CNTNAP2: variants seen among roughly 807,000 people sequenced by gnomAD.
CNTNAP2 encodes contactin associated protein 2, also known as contactin-associated protein-like 2.
Under a neutral mutation model 155.2 loss-of-function variants are expected in CNTNAP2, and 98 were observed. The observed-to-expected ratio is 0.63, with a 90% CI of 0.54 to 0.75. The LOEUF (loss-of-function observed/expected upper bound fraction) is 0.75. Ranked by LOEUF, CNTNAP2 falls within the 30% of genes least tolerant of loss-of-function variation. The pLI is 0.00. For missense variants in CNTNAP2, 1,727 were observed against 1,688.1 expected (o/e 1.02, Z -0.40); for synonymous variants, 651 against 631.2 (o/e 1.03, Z -0.47).
At chr7:147,535,347 G>A (rs113554381) in intron 11 of CNTNAP2, among the ~76,000 whole-genome samples, 21 of 152,138 alleles carry the variant, frequency 1.4e-4, no homozygotes, top group African/African-American at 4.1e-4. Flanking sequence ...AGTCAAGATC[G>A]CGCCACTGCA....
intron 3 of CNTNAP2, among the ~76,000 whole-genome samples, chr7:146,945,745 A>G (rs1318740451): frequency 6.6e-6 from 1 of 152,142 alleles, no homozygotes; most frequent in Non-Finnish European, 1.5e-5. Flanking sequence ...TATTAATAAT[A>G]ATGTTGCTGC....
intron 1 of CNTNAP2, among the ~76,000 whole-genome samples, chr7:146,215,959 A>G (rs1347319187): frequency 6.6e-6 from 1 of 152,172 alleles, no homozygotes; most frequent in Non-Finnish European, 1.5e-5. Flanking sequence ...TTTATTTGTG[A>G]ATTGAAAGAA....
chr7:146,906,782 A>G (rs1309067974), intron 3 of CNTNAP2, among the ~76,000 whole-genome samples: 5 of 152,122 alleles, frequency 3.3e-5, no homozygotes, highest in Non-Finnish European at 4.4e-5. Flanking sequence ...CTCACCAGCA[A>G]CGGAACAAAG....
At chr7:146,655,695 G>T (rs1799985481) in intron 1 of CNTNAP2, among the ~76,000 whole-genome samples, 1 of 151,990 alleles carries the variant, frequency 6.6e-6, no homozygotes, top group Non-Finnish European at 1.5e-5. Context: ...AGTACAACAG[G>T]TGTTTCTGAC....
chr7:147,803,717 C>T (rs1798043601), intron 13 of CNTNAP2, among the ~76,000 whole-genome samples: 1 of 152,222 alleles, frequency 6.6e-6, no homozygotes, highest in African/African-American at 2.4e-5. Context: ...TGCTTTGAGA[C>T]TGTCAGCTGG....
intron 13 of CNTNAP2, among the ~76,000 whole-genome samples, chr7:147,695,050 G>A (rs911332168): frequency 8.6e-5 from 13 of 152,046 alleles, no homozygotes; most frequent in South Asian, 4.2e-4. Flanking sequence ...TTTTAATTTA[G>A]TGCAAAAGAT....
At chr7:147,163,705 T>C (rs1034850761) in intron 8 of CNTNAP2, among the ~76,000 whole-genome samples, 4 of 152,156 alleles carry the variant, frequency 2.6e-5, no homozygotes, top group African/African-American at 9.6e-5. Context: ...AAGTTAGGTG[T>C]GAAGAAATTT....
In CNTNAP2 at chr7:146,121,119, C is replaced by CTTTTTT. The variant is rs745449281; in HGVS notation, c.97+4168_97+4173dup. Among the ~76,000 whole-genome samples, 40 of 65,780 alleles carry CTTTTTT rather than the reference C, an allele frequency of 6.1e-4. 2 individuals carry two copies. Among genetic ancestry groups the CTTTTTT allele is most frequent in the African/African-American group, 1.8e-3 (34 of 19,272 alleles). 43.2% of individuals were successfully genotyped at this position (65,780 alleles called of 152,430 possible). A position where few individuals can be genotyped will look rare whatever the true frequency, so the allele number is the denominator to read the frequency against. On this transcript the variant is annotated intron_variant, in intron 1 of 23. Coordinates refer to ENST00000361727, the MANE Select transcript of CNTNAP2 (RefSeq NM_014141.6). ...TGTCTTAAAGTTTACATAAAGCTTC[C>CTTTTTT]TTTTTTTTTTTTTTTTTTTTTTTTT... is the stretch of plus-strand genomic sequence containing the variant.
chr7:146,987,031 T>C (rs565686744), intron 3 of CNTNAP2, among the ~76,000 whole-genome samples: 10 of 152,300 alleles, frequency 6.6e-5, no homozygotes, highest in African/African-American at 2.4e-4. Context: ...AAAAATTCTG[T>C]CAGGTCTAAT....
At chr7:147,670,725 T>TA (rs1430614339) in intron 13 of CNTNAP2, among the ~76,000 whole-genome samples, 2 of 152,142 alleles carry the variant, frequency 1.3e-5, no homozygotes, top group East Asian at 3.9e-4. Flanking sequence ...CCATTGGCGG[T>TA]AAAATCCCCG....
intron 1 of CNTNAP2, among the ~76,000 whole-genome samples, chr7:146,721,889 A>ATATATATATATATATATATATATTTTT: frequency 1.4e-5 from 1 of 69,708 alleles, no homozygotes; most frequent in African/African-American, 1.9e-4. Flanking sequence ...ATATATATAT[A>ATATATATATATATATATATATATTTTT]TTTTTTTTTT....
chr7:147,856,604 C>T lies in CNTNAP2; in HGVS notation c.2099-46961C>T, dbSNP rs546032061. On this transcript the variant is annotated intron_variant, in intron 13 of 23. Coordinates refer to ENST00000361727, the MANE Select transcript of CNTNAP2 (RefSeq NM_014141.6). The stretch of plus-strand genomic sequence containing the variant: ...ACTTATCTGTTGACACAAAGAGTGC[C>T]GTAATTATGTTAGAATTAGTTTGGC... Among the ~76,000 whole-genome samples, 571 of 148,848 alleles carry T rather than the reference C, an allele frequency of 3.8e-3. 2 individuals carry two copies. Among genetic ancestry groups the T allele is most frequent in the African/African-American group, 0.013 (542 of 40,376 alleles).
chr7:146,319,722 C>T (rs1053075214), intron 1 of CNTNAP2, among the ~76,000 whole-genome samples: 1 of 152,106 alleles, frequency 6.6e-6, no homozygotes, highest in African/African-American at 2.4e-5. Flanking sequence ...GGCACTGAAT[C>T]TGATTGTGTT....
intron 1 of CNTNAP2, chr7:146,195,190 T>C (rs1284716464): frequency 6.6e-6 from 1 of 152,330 alleles, no homozygotes; most frequent in East Asian, 1.9e-4. Flanking sequence ...ATGTATACAA[T>C]TGATTCATTA....
intron 13 of CNTNAP2, among the ~76,000 whole-genome samples, chr7:147,655,477 A>G (rs75540420): frequency 0.078 from 11,939 of 152,316 alleles, 572 homozygotes; most frequent in South Asian, 0.14. Context: ...TCCATGGGCA[A>G]TAGAATTCAT....
intron 1 of CNTNAP2, among the ~76,000 whole-genome samples, chr7:146,729,182 T>G (rs1035412088): frequency 7.2e-5 from 11 of 152,188 alleles, no homozygotes; most frequent in Admixed American, 3.9e-4. Context: ...AAACCTGTTC[T>G]TCATTAGGGC....
intron 2 of CNTNAP2, among the ~76,000 whole-genome samples, chr7:146,809,178 C>T (rs1803020664): frequency 6.6e-6 from 1 of 152,080 alleles, no homozygotes; most frequent in African/African-American, 2.4e-5. Flanking sequence ...GTTTAAATTC[C>T]TACCAACAGA....
chr7:146,817,328 C>G (rs2129195254), intron 2 of CNTNAP2, among the ~76,000 whole-genome samples: 1 of 151,970 alleles, frequency 6.6e-6, no homozygotes, highest in East Asian at 1.9e-4. Flanking sequence ...AAAAAATTAG[C>G]CAGGTTGGTG....
intron 5 of CNTNAP2, 102 bp downstream of exon 5, chr7:147,108,452 T>G: frequency 9.9e-7 from 1 of 1,006,192 alleles, no homozygotes; most frequent in East Asian, 2.6e-5. Context: ...TAAAAAGAGC[T>G]CATGTTATAT....
Sources: allele counts gnomAD v4.1 joint callset (sites outside exome capture counted in the v4.1 genomes callset), GRCh38; gene constraint gnomAD v4.1.1; transcripts MANE v1.5; gene names NCBI Gene and HGNC (gene_info 2026-07-23, HGNC 2026-07-21).